MARCHF3: variants seen among roughly 807,000 people sequenced by gnomAD.
MARCHF3 encodes E3 ubiquitin-protein ligase MARCHF3.
A neutral mutation model predicts 24.2 loss-of-function variants in MARCHF3; 13 were observed. The observed-to-expected ratio is 0.54, with a 90% CI of 0.35 to 0.85. The LOEUF is 0.85. Ranked by LOEUF, MARCHF3 falls within the 40% of genes least tolerant of loss-of-function variation. The pLI, the probability that MARCHF3 is intolerant of heterozygous loss-of-function variation, is 0.01. For synonymous variants in MARCHF3, 144 were observed against 137.3 expected, an observed-to-expected ratio of 1.05 and a Z score of -0.34; for missense variants, 276 against 325.0, an observed-to-expected ratio of 0.85 and a Z score of 1.16.
rs540633788 is a variant in MARCHF3, at chr5:126,924,252, C to T, written c.-56-6025G>A. 5.1e-4 allele frequency among the ~76,000 whole-genome samples: 78 copies of T among 152,294 alleles called. 1 individual carries two copies. The highest frequency in any genetic ancestry group is 1.9e-3 in the African/African-American group (77 of 41,562). On this transcript the variant is annotated intron_variant, in intron 1 of 4. Coordinates refer to ENST00000308660, the MANE Select transcript of MARCHF3 (RefSeq NM_178450.5). ...AGAGTTCTGCGTCATTAATGCTGGT[C>T]CAGGATCCATAAGTCTGACCTTAGT...
chr5:126,928,064 T>C (rs1430455668), intron 1 of MARCHF3, among the ~76,000 whole-genome samples: 1 of 152,236 alleles, frequency 6.6e-6, no homozygotes, highest in Non-Finnish European at 1.5e-5. Context: ...CTATTCATTT[T>C]CCATCTTCTA....
At chr5:126,878,884 A>G (rs180777702) in intron 3 of MARCHF3, among the ~76,000 whole-genome samples, 8 of 152,336 alleles carry the variant, frequency 5.3e-5, no homozygotes, top group Non-Finnish European at 1.0e-4. Flanking sequence ...TCTGAGTCCT[A>G]GTAACATTTT....
At chr5:126,989,317 T>C (rs1323102325) in intron 1 of MARCHF3, among the ~76,000 whole-genome samples, 1 of 142,570 alleles carries the variant, frequency 7.0e-6, no homozygotes, top group Non-Finnish European at 1.5e-5. Flanking sequence ...GTACTACTAC[T>C]ACTACTACTA....
chr5:126,906,398 G>C (rs1252183992), intron 3 of MARCHF3, among the ~76,000 whole-genome samples: 2 of 152,172 alleles, frequency 1.3e-5, no homozygotes, highest in African/African-American at 4.8e-5. Flanking sequence ...ATGGTACCCA[G>C]TTCCTCCTTG....
intron 1 of MARCHF3, among the ~76,000 whole-genome samples, chr5:126,984,192 G>T (rs1751486150): frequency 6.6e-6 from 1 of 152,148 alleles, no homozygotes. Flanking sequence ...TCCTTTAAGA[G>T]GACAGTGGTT....
At chr5:126,945,717 CAG>C (rs1749987871) in intron 1 of MARCHF3, among the ~76,000 whole-genome samples, 1 of 152,166 alleles carries the variant, frequency 6.6e-6, no homozygotes, top group African/African-American at 2.4e-5. Context: ...AGTTCAGAGT[CAG>C]AGAGATGGTG....
intron 1 of MARCHF3, among the ~76,000 whole-genome samples, chr5:126,922,600 GC>G (rs1243978742): frequency 6.6e-6 from 1 of 151,842 alleles, no homozygotes; most frequent in Non-Finnish European, 1.5e-5. Context: ...AGGCTGGAGT[GC>G]AGTGGCGTGA....
intron 1 of MARCHF3, among the ~76,000 whole-genome samples, chr5:127,018,136 C>G (rs1356131702): frequency 1.3e-5 from 2 of 152,154 alleles, no homozygotes; most frequent in African/African-American, 4.8e-5. Flanking sequence ...TTTGGGAGAC[C>G]AAGGCGGGCA....
chr5:126,888,652 G>A (rs1281163361), intron 3 of MARCHF3, among the ~76,000 whole-genome samples: 1 of 152,200 alleles, frequency 6.6e-6, no homozygotes, highest in African/African-American at 2.4e-5. Context: ...AGAAACATGA[G>A]ATAACCAAGA....
At chr5:126,910,717 ATTGT>A (rs1251994080) in intron 3 of MARCHF3, among the ~76,000 whole-genome samples, 1 of 152,190 alleles carries the variant, frequency 6.6e-6, no homozygotes, top group East Asian at 1.9e-4. Flanking sequence ...TAACTGCAAA[ATTGT>A]TTGTAGAGCA....
chr5:126,970,202 C>T (rs1428199550), intron 1 of MARCHF3, among the ~76,000 whole-genome samples: 2 of 151,918 alleles, frequency 1.3e-5, no homozygotes, highest in African/African-American at 4.8e-5. Flanking sequence ...ATTATCCTGC[C>T]TCAGCCTCCC....
At chr5:126,933,874 T>C (rs1749555606) in intron 1 of MARCHF3, among the ~76,000 whole-genome samples, 1 of 152,230 alleles carries the variant, frequency 6.6e-6, no homozygotes, top group African/African-American at 2.4e-5. Context: ...TGGAGGTTTT[T>C]GGATATTTTC....
chr5:127,007,973 G>C (rs1479922935), intron 1 of MARCHF3, among the ~76,000 whole-genome samples: 4 of 151,748 alleles, frequency 2.6e-5, no homozygotes, highest in East Asian at 1.9e-4. Context: ...AGCTGAGCTC[G>C]GTATGCTGAG....
intron 1 of MARCHF3, among the ~76,000 whole-genome samples, chr5:127,019,270 A>G (rs1016492137): frequency 2.0e-5 from 3 of 152,260 alleles, no homozygotes; most frequent in South Asian, 2.1e-4. Context: ...GGAGAATTTC[A>G]TAGTTATTTT....
At chr5:127,008,235 T>A (rs1752369124) in intron 1 of MARCHF3, among the ~76,000 whole-genome samples, 1 of 152,076 alleles carries the variant, frequency 6.6e-6, no homozygotes, top group African/African-American at 2.4e-5. Context: ...CAACTGAAAA[T>A]GAAAAATTAA....
intron 1 of MARCHF3, among the ~76,000 whole-genome samples, chr5:127,015,351 G>T (rs1321276843): frequency 6.6e-6 from 1 of 152,166 alleles, no homozygotes; most frequent in Non-Finnish European, 1.5e-5. Flanking sequence ...ATCACCTGGG[G>T]AAAGGTCGAG....
intron 3 of MARCHF3, among the ~76,000 whole-genome samples, chr5:126,900,145 T>C (rs1754056732): frequency 6.6e-6 from 1 of 152,074 alleles, no homozygotes; most frequent in African/African-American, 2.4e-5. Context: ...AATTTTTTTT[T>C]CCATCTTCCC....
intron 3 of MARCHF3, among the ~76,000 whole-genome samples, chr5:126,889,320 T>C (rs985313077): frequency 6.6e-6 from 1 of 151,994 alleles, no homozygotes; most frequent in African/African-American, 2.4e-5. Flanking sequence ...GAGAATACGA[T>C]AAATAACATG....
At chr5:126,942,726 G>A (rs756690165) in intron 1 of MARCHF3, among the ~76,000 whole-genome samples, 5 of 152,214 alleles carry the variant, frequency 3.3e-5, no homozygotes, top group Non-Finnish European at 7.3e-5. Flanking sequence ...CTTTCCAGCA[G>A]AAAAATCCAA....
Sources: gnomAD v4.1 joint callset for allele counts (sites outside exome capture counted in the v4.1 genomes callset) on GRCh38, gnomAD v4.1.1 for gene constraint, MANE v1.5 for transcripts, NCBI Gene and HGNC (gene_info 2026-07-23, HGNC 2026-07-21) for gene names.